The following ERBIN variants were observed in gnomAD, a reference collection of about 807,000 sequenced individuals.
The protein encoded by ERBIN is erbb2 interacting protein.
A neutral mutation model predicts 158.4 loss-of-function variants in ERBIN; 60 were observed. That is an observed-to-expected ratio of 0.38 (90% CI 0.31 to 0.47). The LOEUF is 0.47. ERBIN is among the 20% of genes least tolerant of loss of function. The pLI is 0.99. For synonymous variants in ERBIN, 594 were observed against 557.2 expected (o/e 1.07, Z -0.93); for missense variants, 1,610 against 1,648.0 (o/e 0.98, Z 0.40).
intron 1 of ERBIN, among the ~76,000 whole-genome samples, chr5:65,957,568 G>T (rs973210292): frequency 1.3e-5 from 2 of 152,204 alleles, no homozygotes; most frequent in African/African-American, 4.8e-5. Context: ...CAAGGCAGAA[G>T]AATTTTTCTT....
chr5:66,065,698 AT>A (rs1334879420), intron 21 of ERBIN, among the ~76,000 whole-genome samples: 1 of 148,420 alleles, frequency 6.7e-6, no homozygotes, highest in Non-Finnish European at 1.5e-5. Flanking sequence ...TTTATTTGTT[AT>A]CCCATTTTCC....
At chr5:66,023,239 A>G (rs767025420) in intron 8 of ERBIN, 51 bp from the exon 9 acceptor site, 2 of 1,328,386 alleles carry the variant, frequency 1.5e-6, no homozygotes, top group African/African-American at 1.5e-5. Context: ...AGATAAAGAC[A>G]TTCATAAAAA....
chr5:66,017,819 TG>T (rs1754953201), intron 7 of ERBIN, among the ~76,000 whole-genome samples: 1 of 152,102 alleles, frequency 6.6e-6, no homozygotes, highest in South Asian at 2.1e-4. Flanking sequence ...TAGTTTCAGG[TG>T]TTAGATTTAA....
chr5:66,035,544 T>G (rs1393634130), intron 14 of ERBIN, among the ~76,000 whole-genome samples: 9 of 152,228 alleles, frequency 5.9e-5, no homozygotes, highest in Non-Finnish European at 1.2e-4. Flanking sequence ...TACTGTTCAC[T>G]GTCATCTTTC....
At chr5:65,933,711 T>A (rs1382497321) in intron 1 of ERBIN, among the ~76,000 whole-genome samples, 1 of 152,194 alleles carries the variant, frequency 6.6e-6, no homozygotes, top group Non-Finnish European at 1.5e-5. Flanking sequence ...CAGCCTACTT[T>A]GTATTCTTTA....
intron 25 of ERBIN, 51 bp from the exon 26 acceptor site, chr5:66,078,372 C>A (rs2151316059): frequency 8.6e-7 from 1 of 1,169,260 alleles, no homozygotes; most frequent in Non-Finnish European, 1.2e-6. Context: ...GGCAGAAATG[C>A]AAATAAATAA....
intron 21 of ERBIN, among the ~76,000 whole-genome samples, chr5:66,058,001 G>GACAAAAA (rs1759805892): frequency 6.6e-6 from 1 of 152,080 alleles, no homozygotes; most frequent in Non-Finnish European, 1.5e-5. Context: ...ACATACGTGT[G>GACAAAAA]CATGTGTCTT....
At chr5:66,002,942 G>A (rs560334307) in intron 4 of ERBIN, among the ~76,000 whole-genome samples, 2 of 152,280 alleles carry the variant, frequency 1.3e-5, no homozygotes, top group East Asian at 1.9e-4. Flanking sequence ...TCCATGTTTA[G>A]ACTGGTGATT....
intron 21 of ERBIN, among the ~76,000 whole-genome samples, chr5:66,055,667 G>T (rs1254008571): frequency 6.6e-5 from 10 of 152,094 alleles, no homozygotes. Context: ...AAGTGTACAA[G>T]ACATGATTTT....
At chr5:66,061,948 C>A (rs896695436) in intron 21 of ERBIN, among the ~76,000 whole-genome samples, 9 of 152,196 alleles carry the variant, frequency 5.9e-5, no homozygotes, top group Non-Finnish European at 1.2e-4. Context: ...TTTGGGTAAC[C>A]CAACCTTTCT....
At chr5:65,997,927 T>TACACACACACAC (rs60768327) in intron 4 of ERBIN, among the ~76,000 whole-genome samples, 1 of 150,210 alleles carries the variant, frequency 6.7e-6, no homozygotes, top group African/African-American at 2.4e-5. Flanking sequence ...GGTGTCTGTC[T>TACACACACACAC]ACACACACAC....
At chr5:66,010,402 G>T (rs1047628825) in intron 4 of ERBIN, among the ~76,000 whole-genome samples, 2 of 152,108 alleles carry the variant, frequency 1.3e-5, no homozygotes, top group African/African-American at 2.4e-5. Flanking sequence ...GAAGGTTAAG[G>T]TGGTGCTTGT....
intron 20 of ERBIN, among the ~76,000 whole-genome samples, chr5:66,052,384 A>G (rs1759132364): frequency 1.3e-5 from 2 of 152,166 alleles, no homozygotes; most frequent in Non-Finnish European, 2.9e-5. Context: ...GTACTGTGTA[A>G]TTATAATCAC....
intron 1 of ERBIN, among the ~76,000 whole-genome samples, chr5:65,986,481 T>TA (rs1408525644): frequency 6.6e-6 from 1 of 152,200 alleles, no homozygotes; most frequent in Non-Finnish European, 1.5e-5. Flanking sequence ...TAGAGAACGT[T>TA]AAACACACAC....
At chr5:66,063,265 G>A (rs1760630757) in intron 21 of ERBIN, among the ~76,000 whole-genome samples, 1 of 152,186 alleles carries the variant, frequency 6.6e-6, no homozygotes, top group Non-Finnish European at 1.5e-5. Context: ...CAGCCTCGCT[G>A]TGGCCTTGCA....
rs1456666093 is a variant in ERBIN, at chr5:66,022,265, T to C, written c.597+880T>C. Among the ~76,000 whole-genome samples, 10 of 152,210 alleles carry C rather than the reference T, an allele frequency of 6.6e-5. No homozygotes were observed. The East Asian group carries it at 1.9e-3, about 29-fold the overall frequency. ...GTCCTTTCTCAATATTTGTTCTGTA[T>C]GAATCCGTTTCCGTATTAACTATTT... On this transcript the variant is annotated intron_variant, in intron 8 of 25. Transcript: ENST00000284037.
chr5:65,978,866 G>A (rs1750329377), intron 1 of ERBIN, among the ~76,000 whole-genome samples: 2 of 152,200 alleles, frequency 1.3e-5, no homozygotes, highest in Admixed American at 1.3e-4. Flanking sequence ...TGGAATTTGG[G>A]ACCCTGTTGG....
At chr5:66,013,941 T>C (rs2151109266) in intron 6 of ERBIN, among the ~76,000 whole-genome samples, 1 of 152,266 alleles carries the variant, frequency 6.6e-6, no homozygotes, top group African/African-American at 2.4e-5. Context: ...TCTAAAATGA[T>C]TTAATAATTG....
intron 4 of ERBIN, among the ~76,000 whole-genome samples, chr5:65,999,779 T>G (rs1026732763): frequency 2.6e-5 from 4 of 152,202 alleles, no homozygotes; most frequent in African/African-American, 9.7e-5. Context: ...GACTTTTCCT[T>G]GAGGGCAGTG....
Sources: allele counts gnomAD v4.1 joint callset (sites outside exome capture counted in the v4.1 genomes callset), GRCh38; gene constraint gnomAD v4.1.1; transcripts MANE v1.5; gene names NCBI Gene and HGNC (gene_info 2026-07-23, HGNC 2026-07-21).